The following EYS variants were observed in gnomAD, a reference collection of about 807,000 sequenced individuals.
The protein encoded by EYS is protein eyes shut homolog.
Under a neutral mutation model 282.1 loss-of-function variants are expected in EYS, and 250 were observed. The observed-to-expected ratio is 0.89, with a 90% CI of 0.80 to 0.98. The LOEUF is 0.98. Ranked by LOEUF, EYS falls within the 50% of genes least tolerant of loss-of-function variation. The pLI is 0.00. For synonymous variants in EYS, 1,355 were observed against 1,282.9 expected, an observed-to-expected ratio of 1.06 and a Z score of -1.20; for missense variants, 4,016 against 3,709.0, an observed-to-expected ratio of 1.08 and a Z score of -2.15.
chr6:65,483,039 T>C (rs1450206076), intron 5 of EYS, among the ~76,000 whole-genome samples: 1 of 152,150 alleles, frequency 6.6e-6, no homozygotes, highest in Non-Finnish European at 1.5e-5. Context: ...AGTTATAAAA[T>C]TTGAATAAAT....
chr6:65,471,258 A>T (rs1010570785), intron 5 of EYS, among the ~76,000 whole-genome samples: 1 of 148,134 alleles, frequency 6.8e-6, no homozygotes, highest in African/African-American at 2.5e-5. Context: ...AAATTGTCAG[A>T]TTTGTTAGGG....
chr6:64,036,684 C>T (rs867293330), intron 33 of EYS, among the ~76,000 whole-genome samples: 9 of 152,008 alleles, frequency 5.9e-5, no homozygotes, highest in Non-Finnish European at 1.2e-4. Flanking sequence ...AAAACTTGGG[C>T]CTGGATTGGC....
chr6:63,942,806 AC>A (rs1213991640), intron 35 of EYS, among the ~76,000 whole-genome samples: 1 of 151,902 alleles, frequency 6.6e-6, no homozygotes, highest in Non-Finnish European at 1.5e-5. Flanking sequence ...TGTCTCTTCT[AC>A]CTCTTCCGCC....
intron 41 of EYS, among the ~76,000 whole-genome samples, chr6:63,758,131 A>G (rs914974363): frequency 2.0e-5 from 3 of 152,060 alleles, no homozygotes; most frequent in Admixed American, 2.0e-4. Flanking sequence ...TAGAACTCCT[A>G]GCCTCAAACA....
At chr6:65,343,994 A>G in intron 10 of EYS, 44 bp downstream of exon 10, 1 of 1,545,410 alleles carries the variant, frequency 6.5e-7, no homozygotes, top group Middle Eastern at 2.1e-4. Context: ...GACAATTACA[A>G]GCTAAAGAGA....
At chr6:63,732,094 C>T (rs1374757647) in intron 41 of EYS, among the ~76,000 whole-genome samples, 5 of 151,822 alleles carry the variant, frequency 3.3e-5, no homozygotes, top group Non-Finnish European at 5.9e-5. Flanking sequence ...ATTGCTGATA[C>T]TGGGTCAGTG....
chr6:65,164,692 T>C (rs1400983768), intron 12 of EYS, among the ~76,000 whole-genome samples: 2 of 151,272 alleles, frequency 1.3e-5, no homozygotes, highest in South Asian at 2.1e-4. Flanking sequence ...GCAACAGAAA[T>C]CAATTGCCTC....
intron 22 of EYS, among the ~76,000 whole-genome samples, chr6:64,646,293 T>C (rs1260038440): frequency 6.6e-6 from 1 of 152,072 alleles, no homozygotes; most frequent in Admixed American, 6.6e-5. Context: ...ATAACAAATA[T>C]ACATAATCAA....
intron 40 of EYS, among the ~76,000 whole-genome samples, chr6:63,764,892 T>A (rs988385246): frequency 3.2e-4 from 49 of 151,990 alleles, no homozygotes; most frequent in Admixed American, 1.3e-4. Flanking sequence ...ATTTTTCTTT[T>A]TGTTCCTTGG....
intron 30 of EYS, among the ~76,000 whole-genome samples, chr6:64,292,119 G>A (rs1768737139): frequency 6.6e-6 from 1 of 152,072 alleles, no homozygotes; most frequent in South Asian, 2.1e-4. Context: ...AACTTGGTGT[G>A]TCTGACTTTT....
At chr6:64,892,173 A>G (rs1767311985) in intron 18 of EYS, among the ~76,000 whole-genome samples, 1 of 151,938 alleles carries the variant, frequency 6.6e-6, no homozygotes, top group African/African-American at 2.4e-5. Flanking sequence ...TATAGCCCCC[A>G]AATTAGCCAC....
intron 23 of EYS, among the ~76,000 whole-genome samples, chr6:64,623,027 C>G (rs1404948797): frequency 6.6e-6 from 1 of 152,132 alleles, no homozygotes; most frequent in African/African-American, 2.4e-5. Context: ...GGGTAGGAGA[C>G]TTCCTGAGAA....
chr6:63,957,860 G>A (rs1765889504), intron 35 of EYS, among the ~76,000 whole-genome samples: 1 of 140,472 alleles, frequency 7.1e-6, no homozygotes, highest in South Asian at 2.3e-4. Context: ...AAGAAACAAG[G>A]TCAGTTGAAG....
At chr6:65,404,034 G>A (rs1224608197) in intron 6 of EYS, among the ~76,000 whole-genome samples, 1 of 152,076 alleles carries the variant, frequency 6.6e-6, no homozygotes, top group Non-Finnish European at 1.5e-5. Flanking sequence ...GAGGTCATAA[G>A]TCTGAAAAGT....
intron 2 of EYS, among the ~76,000 whole-genome samples, chr6:65,530,229 T>G (rs1767713844): frequency 6.6e-6 from 1 of 152,200 alleles, no homozygotes; most frequent in African/African-American, 2.4e-5. Context: ...TTTTGCTTGG[T>G]AGCCTACTTG....
Position 64,080,916 on chromosome 6 carries a change from A to T in EYS, c.6571+940T>A, listed in dbSNP as rs549192799. ...GCTGTGTTCTGTTCCATTGGTCTATATCTCTGTTTTGGTACCAGTACCATG... is the reference window on the plus strand; with the variant it reads ...GCTGTGTTCTGTTCCATTGGTCTATTTCTCTGTTTTGGTACCAGTACCATG... On this transcript the variant is annotated intron_variant, in intron 32 of 42. Transcript: ENST00000503581. 6.7e-3 allele frequency among the ~76,000 whole-genome samples: 1,023 copies of T among 151,980 alleles called. 11 individuals carry two copies. Among genetic ancestry groups the T allele is most frequent in the African/African-American group, 0.023 (946 of 41,410 alleles).
intron 22 of EYS, among the ~76,000 whole-genome samples, chr6:64,708,511 T>G (rs1176732700): frequency 6.6e-6 from 1 of 152,294 alleles, no homozygotes; most frequent in South Asian, 2.1e-4. Flanking sequence ...CAATTGTCCA[T>G]GGGTCTCTCA....
At chr6:64,935,153 A>C (rs1768865507) in intron 15 of EYS, among the ~76,000 whole-genome samples, 1 of 151,820 alleles carries the variant, frequency 6.6e-6, no homozygotes, top group East Asian at 1.9e-4. Flanking sequence ...TAATACAATA[A>C]ATGTAACAAG....
intron 19 of EYS, among the ~76,000 whole-genome samples, chr6:64,861,497 T>C (rs536750778): frequency 1.0e-3 from 156 of 151,940 alleles, no homozygotes; most frequent in Admixed American, 2.4e-3. Context: ...CCTGGGAAGG[T>C]GTGGCTCCTG....
Sources: allele counts gnomAD v4.1 joint callset (sites outside exome capture counted in the v4.1 genomes callset), GRCh38; gene constraint gnomAD v4.1.1; transcripts MANE v1.5; gene names NCBI Gene and HGNC (gene_info 2026-07-23, HGNC 2026-07-21).